Variants in NELL1 observed in about 807,000 individuals in gnomAD.
The protein encoded by NELL1 is protein kinase C-binding protein NELL1.
A neutral mutation model predicts 107.4 loss-of-function variants in NELL1; 76 were observed. The observed-to-expected ratio is 0.71, with a 90% CI of 0.59 to 0.86. The LOEUF (loss-of-function observed/expected upper bound fraction) is 0.86. NELL1 is among the 40% of genes least tolerant of loss of function. NELL1 has a pLI of 0.00. For synonymous variants in NELL1, 353 were observed against 341.2 expected, an observed-to-expected ratio of 1.03 and a Z score of -0.38; for missense variants, 1,024 against 1,005.5, an observed-to-expected ratio of 1.02 and a Z score of -0.25.
chr11:21,342,636 T>A (rs1156918447), intron 14 of NELL1, among the ~76,000 whole-genome samples: 2 of 118,946 alleles, frequency 1.7e-5, no homozygotes, highest in East Asian at 2.5e-4. Context: ...AGAGAGAGAC[T>A]GTCTTTAAAA....
At chr11:20,978,124 A>G (rs553444668) in intron 12 of NELL1, among the ~76,000 whole-genome samples, 1 of 152,204 alleles carries the variant, frequency 6.6e-6, no homozygotes, top group East Asian at 1.9e-4. Flanking sequence ...TCTTTGTAAG[A>G]GGGAATTGAG....
At chr11:21,494,350 T>C (rs1468929194) in intron 15 of NELL1, among the ~76,000 whole-genome samples, 8 of 151,946 alleles carry the variant, frequency 5.3e-5, no homozygotes, top group Admixed American at 1.3e-4. Flanking sequence ...AATTTCAAAA[T>C]AAAAGAAATT....
At chr11:21,400,909 G>A (rs1852082413) in intron 15 of NELL1, among the ~76,000 whole-genome samples, 1 of 151,884 alleles carries the variant, frequency 6.6e-6, no homozygotes, top group Non-Finnish European at 1.5e-5. Context: ...GAATGGAAGA[G>A]AGGAGCCAGG....
rs752430901 is a variant in NELL1 at position 21,341,957 on chromosome 11, T to C, written c.1550-28896T>C. 3.3e-5 allele frequency among the ~76,000 whole-genome samples: 5 copies of C among 152,188 alleles called. 1 individual carries two copies. In the South Asian group the frequency reaches 8.3e-4, roughly 25 times the overall value. On this transcript the variant is annotated intron_variant, in intron 14 of 19. Coordinates refer to ENST00000357134, the MANE Select transcript of NELL1 (RefSeq NM_006157.5). ...ACATAAACTTGTTTATGTGTATGAG[T>C]TATTAATATATGGATTGACTCAAAC...
chr11:21,468,208 A>G lies in NELL1; in HGVS notation c.1646-66166A>G, dbSNP rs538038920. Among the ~76,000 whole-genome samples, 52 of 152,170 alleles carry G rather than the reference A, an allele frequency of 3.4e-4. No individual in the cohort carries two copies. In the East Asian group the frequency reaches 8.1e-3, roughly 24 times the overall value. ...ACCATCAATGGTCTGGCCATGTTGA[A>G]AAACTCAGCTGACACAGACAAAATT... is the stretch of plus-strand genomic sequence containing the variant. On this transcript the variant is annotated intron_variant, in intron 15 of 19. Transcript: ENST00000357134.
intron 2 of NELL1, among the ~76,000 whole-genome samples, chr11:20,719,901 C>A (rs1855339469): frequency 1.4e-5 from 1 of 69,096 alleles, no homozygotes; most frequent in Non-Finnish European, 4.4e-5. Context: ...AAAAACCAGA[C>A]TGTTAGTCAC....
At chr11:21,296,359 T>G (rs1849377195) in intron 14 of NELL1, among the ~76,000 whole-genome samples, 1 of 151,990 alleles carries the variant, frequency 6.6e-6, no homozygotes, top group African/African-American at 2.4e-5. Flanking sequence ...GAGCGTAGTC[T>G]CACAATTGCA....
chr11:21,230,969 A>G (rs1858033304), intron 14 of NELL1, among the ~76,000 whole-genome samples: 1 of 152,166 alleles, frequency 6.6e-6, no homozygotes. Context: ...CACTGTTTAT[A>G]TTCACTGAAA....
At chr11:21,461,789 T>C (rs1853906353) in intron 15 of NELL1, among the ~76,000 whole-genome samples, 1 of 152,160 alleles carries the variant, frequency 6.6e-6, no homozygotes, top group South Asian at 2.1e-4. Flanking sequence ...AGCCAGTTTC[T>C]GTAGTCACAA....
intron 14 of NELL1, among the ~76,000 whole-genome samples, chr11:21,310,000 A>G (rs1849713785): frequency 6.6e-6 from 1 of 152,126 alleles, no homozygotes; most frequent in African/African-American, 2.4e-5. Flanking sequence ...GGCAGATACA[A>G]CTTCTTAGTC....
At chr11:21,508,790 T>C (rs1029562281) in intron 15 of NELL1, among the ~76,000 whole-genome samples, 10 of 144,602 alleles carry the variant, frequency 6.9e-5, no homozygotes, top group African/African-American at 2.6e-4. Context: ...AAATCAACTA[T>C]GTTAAAGAAA....
At chr11:21,456,940 C>T (rs1415043664) in intron 15 of NELL1, among the ~76,000 whole-genome samples, 2 of 151,822 alleles carry the variant, frequency 1.3e-5, no homozygotes, top group Non-Finnish European at 2.9e-5. Context: ...ATGTTGATTT[C>T]AGAAAGCTGA....
chr11:21,469,593 A>G (rs986079552), intron 15 of NELL1, among the ~76,000 whole-genome samples: 10 of 152,070 alleles, frequency 6.6e-5, no homozygotes, highest in African/African-American at 2.4e-4. Context: ...CTTCACTTGC[A>G]TTTAATTAAA....
intron 12 of NELL1, among the ~76,000 whole-genome samples, chr11:20,970,704 C>G (rs1815078): frequency 0.14 from 21,950 of 151,692 alleles, 1,964 homozygotes; most frequent in East Asian, 0.25. Context: ...CATGGCTGGA[C>G]CAAAGGATTT....
intron 12 of NELL1, among the ~76,000 whole-genome samples, chr11:21,090,679 T>C (rs1190541375): frequency 6.6e-6 from 1 of 152,176 alleles, no homozygotes; most frequent in Non-Finnish European, 1.5e-5. Context: ...TTCACTTATT[T>C]TTATGTGGAT....
In NELL1 at chr11:20,885,536, T is replaced by A; in HGVS notation, c.599T>A (p.Phe200Tyr). 6.3e-7 allele frequency: 1 copy of A among 1,594,252 alleles called. No individual in the cohort carries two copies. Among genetic ancestry groups the A allele is most frequent in the Non-Finnish European group, 8.6e-7 (1 of 1,161,898 alleles). The change falls in exon 5 of 20, where the codon TTC becomes TAC. Residue 200 changes from phenylalanine to tyrosine, a missense_variant. Phe to Tyr is a conservative substitution (Grantham distance 22). Transcript: ENST00000357134. ...CAGCGCAACCAAAAGCATGGCTTAT[T>A]CAAAGTAAGCACTAACGTTCTTTTT... ...LGQRNQKHGL[F>Y]KGIIQDGKII...
Position 21,418,892 on chromosome 11 carries a change from A to G in NELL1, c.1645+47944A>G, listed in dbSNP as rs57936704. On this transcript the variant is annotated intron_variant, in intron 15 of 19. Transcript: ENST00000357134. ...TAGAGCACACTTGCATCCAATCTTC[A>G]TGAGCACGTAAAGTGAATGAGAATT... Among the ~76,000 whole-genome samples the G allele has an allele frequency of 0.015, 2,343 of 152,250 alleles. 226 individuals carry two copies. The East Asian group carries it at 0.27, about 17-fold the overall frequency.
chr11:20,798,899 A>G (rs1452461034), intron 3 of NELL1, among the ~76,000 whole-genome samples: 6 of 151,374 alleles, frequency 4.0e-5, no homozygotes, highest in South Asian at 2.1e-4. Flanking sequence ...ACATTGGTGG[A>G]TTCTTTAGCA....
intron 15 of NELL1, among the ~76,000 whole-genome samples, chr11:21,438,700 G>A (rs2133842877): frequency 1.3e-5 from 2 of 151,946 alleles, no homozygotes; most frequent in African/African-American, 4.8e-5. Context: ...CCTGGCTCAA[G>A]TTCAGAATTT....
Sources: gnomAD v4.1 joint callset for allele counts (sites outside exome capture counted in the v4.1 genomes callset) on GRCh38, gnomAD v4.1.1 for gene constraint, MANE v1.5 for transcripts, NCBI Gene and HGNC (gene_info 2026-07-23, HGNC 2026-07-21) for gene names.